CROT: variants seen among roughly 807,000 people sequenced by gnomAD.
CROT encodes peroxisomal carnitine O-octanoyltransferase.
In CROT, 84 loss-of-function variants were observed where a neutral mutation model predicts 89.2. The observed-to-expected ratio is 0.94, with a 90% confidence interval of 0.79 to 1.13. CROT has a LOEUF of 1.13. Among genes scored for constraint, CROT ranks in the 50% most tolerant of loss-of-function variants. The pLI, the probability that CROT is intolerant of heterozygous loss-of-function variation, is 0.00. For missense variants in CROT, 711 were observed against 727.8 expected, an observed-to-expected ratio of 0.98 and a Z score of 0.27; for synonymous variants, 212 against 239.5, an observed-to-expected ratio of 0.89 and a Z score of 1.06.
Position 87,345,694 on chromosome 7 carries a change from G to A in CROT, c.-186G>A, listed in dbSNP as rs189632578. ...AATTCCCGCACCTTTGAGGCCCAAGGGGGAGCGAGCCGGTGCTGCTGCAGG... is the reference window on the plus strand; with the variant it reads ...AATTCCCGCACCTTTGAGGCCCAAGAGGGAGCGAGCCGGTGCTGCTGCAGG... On this transcript the variant is annotated 5_prime_UTR_variant, in exon 1 of 18. Coordinates refer to ENST00000331536, the MANE Select transcript of CROT (RefSeq NM_021151.4). 5.3e-6 allele frequency: 2 copies of A among 374,882 alleles called. No individual in the cohort carries two copies. The highest frequency in any genetic ancestry group is 9.5e-6 in the Non-Finnish European group (2 of 211,504). 23.2% of individuals were successfully genotyped at this position (374,882 alleles called of 1,614,324 possible). A position where few individuals can be genotyped will look rare whatever the true frequency, so the allele number is the denominator to read the frequency against.
chr7:87,352,539 T>G (rs1288444890), intron 3 of CROT, among the ~76,000 whole-genome samples: 1 of 152,262 alleles, frequency 6.6e-6, no homozygotes, highest in Non-Finnish European at 1.5e-5. Flanking sequence ...TATTTTAATC[T>G]TGACTTGTAG....
At chr7:87,354,575 A>C (rs899421662) in intron 3 of CROT, among the ~76,000 whole-genome samples, 2 of 152,212 alleles carry the variant, frequency 1.3e-5, no homozygotes, top group African/African-American at 4.8e-5. Flanking sequence ...TTCAAGATAA[A>C]ATATTTTAGC....
Position 87,345,686 on chromosome 7 carries a change from G to A in CROT, c.-194G>A, listed in dbSNP as rs1178650386. On this transcript the variant is annotated 5_prime_UTR_variant, in exon 1 of 18. Coordinates refer to ENST00000331536, the MANE Select transcript of CROT (RefSeq NM_021151.4). The stretch of plus-strand genomic sequence containing the variant: ...TTCAGTCCAATTCCCGCACCTTTGA[G>A]GCCCAAGGGGGAGCGAGCCGGTGCT... 2.6e-6 allele frequency: 1 copy of A among 379,304 alleles called. No homozygotes were observed. The highest frequency in any genetic ancestry group is 2.1e-5 in the African/African-American group (1 of 48,262). 23.5% of individuals were successfully genotyped at this position (379,304 alleles called of 1,614,324 possible).
intron 10 of CROT, among the ~76,000 whole-genome samples, chr7:87,378,600 A>G (rs1291895571): frequency 1.3e-5 from 2 of 152,188 alleles, no homozygotes. Context: ...ACAGTCTCAT[A>G]TCTTCATAGC....
intron 14 of CROT, 60 bp from the exon 15 acceptor site, chr7:87,392,506 T>G: frequency 7.4e-7 from 1 of 1,350,858 alleles, no homozygotes; most frequent in Non-Finnish European, 1.0e-6. Context: ...AGCTTAGGAT[T>G]TTTTTCTAGT....
intron 17 of CROT, 164 bp from the exon 18 acceptor site, chr7:87,398,360 C>A: frequency 2.4e-6 from 2 of 818,346 alleles, no homozygotes; most frequent in Non-Finnish European, 2.1e-6. Flanking sequence ...GCATTATCTA[C>A]AGATATGGCT....
intron 3 of CROT, among the ~76,000 whole-genome samples, chr7:87,351,412 C>CT (rs1805866696): frequency 6.6e-6 from 1 of 151,722 alleles, no homozygotes; most frequent in Non-Finnish European, 1.5e-5. Flanking sequence ...TTTGATATGC[C>CT]AAGGTAAGCC....
At chr7:87,354,121 A>C (rs1279620212) in intron 3 of CROT, among the ~76,000 whole-genome samples, 1 of 152,266 alleles carries the variant, frequency 6.6e-6, no homozygotes, top group Non-Finnish European at 1.5e-5. Flanking sequence ...AGCAGAGGTC[A>C]TTGTAAAATA....
chr7:87,361,236 T>G (rs2115839643), intron 4 of CROT, among the ~76,000 whole-genome samples, 154 bp from the exon 5 acceptor site: 1 of 152,280 alleles, frequency 6.6e-6, no homozygotes, highest in African/African-American at 2.4e-5. Flanking sequence ...GTGCTGGGAT[T>G]ATAGGTGTGA....
At chr7:87,384,731 G>T (rs146612391) in intron 13 of CROT, among the ~76,000 whole-genome samples, 1 of 152,116 alleles carries the variant, frequency 6.6e-6, no homozygotes, top group South Asian at 2.1e-4. Context: ...GATCCCATTC[G>T]TCCATTTCTG....
chr7:87,381,404 T>C (rs971814144), intron 10 of CROT, among the ~76,000 whole-genome samples: 4 of 152,200 alleles, frequency 2.6e-5, no homozygotes, highest in African/African-American at 7.2e-5. Flanking sequence ...AATTATCACA[T>C]TGGGACATTC....
rs749423403 is a variant in CROT, at chr7:87,391,649, T to A, written c.1362T>A (p.Thr454=). Residue 454 remains threonine (T), a synonymous_variant, in exon 14 of 18, where the codon ACT becomes ACA. Transcript: ENST00000331536. ...ATTTTTATCATGGCCGTACAGAGACTATGCGATCATGCACAGTTGAAGCAG... is the reference window on the plus strand; with the variant it reads ...ATTTTTATCATGGCCGTACAGAGACAATGCGATCATGCACAGTTGAAGCAG... The part of the protein sequence containing the change: ...TRHFYHGRTE[T]MRSCTVEAVR... 17 of 1,612,026 alleles carry A rather than the reference T, an allele frequency of 1.1e-5. No individual in the cohort carries two copies. Among genetic ancestry groups the A allele is most frequent in the Non-Finnish European group, 1.4e-5 (17 of 1,179,324 alleles).
chr7:87,355,136 C>G (rs996082193), intron 3 of CROT, among the ~76,000 whole-genome samples: 1 of 150,258 alleles, frequency 6.7e-6, no homozygotes, highest in African/African-American at 2.5e-5. Context: ...GCCTCGCTCT[C>G]TTGCCCAGGC....
At chr7:87,379,148 C>T (rs1388777250) in intron 10 of CROT, among the ~76,000 whole-genome samples, 1 of 152,110 alleles carries the variant, frequency 6.6e-6, no homozygotes, top group African/African-American at 2.4e-5. Flanking sequence ...TGGCTTCTTC[C>T]CTTCATTTCC....
At chr7:87,368,191 T>TTTCCTCTGCCTG in intron 6 of CROT, among the ~76,000 whole-genome samples, 1 of 152,212 alleles carries the variant, frequency 6.6e-6, no homozygotes, top group African/African-American at 2.4e-5. Context: ...CTTCTGCGGG[T>TTTCCTCTGCCTG]ATTTACATGG....
intron 17 of CROT, among the ~76,000 whole-genome samples, chr7:87,394,092 A>T (rs1807449866): frequency 6.6e-6 from 1 of 152,202 alleles, no homozygotes; most frequent in Non-Finnish European, 1.5e-5. Context: ...ATATGGTGCC[A>T]TTTGCAGTCA....
intron 3 of CROT, among the ~76,000 whole-genome samples, chr7:87,350,502 C>A (rs772083453): frequency 6.6e-6 from 1 of 151,986 alleles, no homozygotes; most frequent in Non-Finnish European, 1.5e-5. Context: ...CACCAAGAAG[C>A]CTGTTTTGTC....
intron 3 of CROT, chr7:87,357,537 T>G: frequency 6.6e-7 from 1 of 1,512,968 alleles, no homozygotes; most frequent in Non-Finnish European, 9.0e-7. Flanking sequence ...ATAAGGGGTC[T>G]TGATCCAGAT....
rs544748910 is a variant in CROT at position 87,359,344 on chromosome 7, T to A, written c.240+14T>A. 1.3e-6 allele frequency: 2 copies of A among 1,584,428 alleles called. No homozygotes were observed. Among genetic ancestry groups the A allele is most frequent in the Non-Finnish European group, 1.7e-6 (2 of 1,162,246 alleles). On this transcript the variant is annotated intron_variant, in intron 4 of 17. Transcript: ENST00000331536. ...AAAAGAAATTGGGTATTTGTTGTTA[T>A]AATTGAATAATGATGATGTTTAAAG...
Sources: gnomAD v4.1 joint callset for allele counts (sites outside exome capture counted in the v4.1 genomes callset) on GRCh38, gnomAD v4.1.1 for gene constraint, MANE v1.5 for transcripts, NCBI Gene and HGNC (gene_info 2026-07-23, HGNC 2026-07-21) for gene names.